PLEC: variants seen among roughly 807,000 people sequenced by gnomAD.
The protein encoded by PLEC is plectin, also known as hemidesmosomal protein 1.
In PLEC, 216 loss-of-function variants were observed where a neutral mutation model predicts 392.8. That is an observed-to-expected ratio of 0.55 (90% CI 0.49 to 0.62). PLEC has a LOEUF of 0.62. PLEC is among the 20% of genes least tolerant of loss of function. PLEC has a pLI of 0.00. For missense variants in PLEC, 6,863 were observed against 6,563.4 expected (o/e 1.05, Z -1.58); for synonymous variants, 3,621 against 2,980.6 (o/e 1.21, Z -7.00).
At chr8:143,936,946 AG>A (rs782712665) in intron 5 of PLEC, 32 bp downstream of exon 5, 25 of 1,519,700 alleles carry the variant, frequency 1.6e-5, no homozygotes, top group Non-Finnish European at 2.2e-5. Context: ...AAACTCCTGC[AG>A]GGGGTGGGGG....
At chr8:143,963,777 G>A (rs1554741451) in intron 1 of PLEC, among the ~76,000 whole-genome samples, 1 of 151,052 alleles carries the variant, frequency 6.6e-6, no homozygotes, top group Non-Finnish European at 1.5e-5. Flanking sequence ...TGAGCAGCTG[G>A]GACTACAGCC....
rs782604398 is a variant in PLEC, at chr8:143,924,777, G to A, written c.5152C>T (p.Leu1718=). The part of the protein sequence containing the change: ...RLAAEQELIR[L]RAETEQGEQQ... Reference sequence around the variant, plus strand: ...TCCCCCTGCTCCGTCTCGGCCCGCAGCCGGATCAACTCCTGCTCCGCGGCC... The same window carrying A: ...TCCCCCTGCTCCGTCTCGGCCCGCAACCGGATCAACTCCTGCTCCGCGGCC... The change falls in exon 31 of 32, where the codon CTG becomes TTG. Residue 1718 remains leucine (L), a synonymous_variant. Coordinates refer to ENST00000345136, the MANE Select transcript of PLEC (RefSeq NM_201384.3). 2.6e-6 allele frequency: 4 copies of A among 1,535,406 alleles called. No homozygotes were observed. Among genetic ancestry groups the A allele is most frequent in the South Asian group, 2.4e-5 (2 of 84,116 alleles).
chr8:143,934,357 A>G lies in PLEC; in HGVS notation c.1130T>C (p.Ile377Thr), dbSNP rs1554720644. Reference sequence around the variant, plus strand: ...GCGGAGCTGCTTCTCCCGCTCCAGGATGGCCACGTGCAGCTTGCCCCACTC... The same window carrying G: ...GCGGAGCTGCTTCTCCCGCTCCAGGGTGGCCACGTGCAGCTTGCCCCACTC... ...EKEWGKLHVA[I>T]LEREKQLRSE... The change falls in exon 11 of 32, where the codon ATC becomes ACC. Residue 377 changes from isoleucine to threonine, a missense_variant. By Grantham distance (89) the Ile-to-Thr change is moderately conservative. Coordinates refer to ENST00000345136, the MANE Select transcript of PLEC (RefSeq NM_201384.3). 3.7e-6 allele frequency: 6 copies of G among 1,612,430 alleles called. No homozygotes were observed. In the African/African-American group the frequency reaches 6.7e-5, roughly 18 times the overall value.
intron 19 of PLEC, among the ~76,000 whole-genome samples, chr8:143,931,003 C>T (rs1356970334): frequency 1.3e-5 from 2 of 152,182 alleles, no homozygotes; most frequent in East Asian, 1.9e-4. Flanking sequence ...TGTGCACCCG[C>T]CCTCCTGGGT....
intron 1 of PLEC, among the ~76,000 whole-genome samples, chr8:143,947,418 G>T (rs1813622601): frequency 6.6e-6 from 1 of 152,170 alleles, no homozygotes; most frequent in Admixed American, 6.5e-5. Flanking sequence ...ACAATCCTCG[G>T]TTCCTTCAGA....
At chr8:143,943,937 C>T (rs929503103), upstream of PLEC, 24 of 1,594,930 alleles carry the variant, frequency 1.5e-5, no homozygotes, top group Non-Finnish European at 2.0e-5. Flanking sequence ...CGCTGGGAAC[C>T]GGCTGCTCCA....
Position 143,932,789 on chromosome 8 carries a change from C to G in PLEC, c.1737+4G>C. Reference sequence around the variant, plus strand: ...CGCACTGCCCATCGCTCAGCGCCACCCACCTCGTCACTCCGTGCCCGCTCG... The same window carrying G: ...CGCACTGCCCATCGCTCAGCGCCACGCACCTCGTCACTCCGTGCCCGCTCG... On this transcript the variant is annotated splice_donor_region_variant and intron_variant, in intron 14 of 31. Coordinates refer to ENST00000345136, the MANE Select transcript of PLEC (RefSeq NM_201384.3). 6.2e-7 allele frequency: 1 copy of G among 1,612,046 alleles called. No individual in the cohort carries two copies. Among genetic ancestry groups the G allele is most frequent in the Non-Finnish European group, 8.5e-7 (1 of 1,179,710 alleles).
chr8:143,927,010 C>G lies in PLEC; in HGVS notation c.3912G>C (p.Lys1304Asn). The change falls in exon 29 of 32, where the codon AAG becomes AAC. Residue 1304 changes from lysine (K) to asparagine (N), a missense_variant. Physicochemically the swap from Lys to Asn is moderately conservative, Grantham distance 94. Coordinates refer to ENST00000345136, the MANE Select transcript of PLEC (RefSeq NM_201384.3). ...EPVASPAKKP[K>N]VQSGSESVIQ... Reference sequence around the variant, plus strand: ...TGACACTCTCTGATCCCGACTGGACCTTGGGCTTCTTGGCCGGGGAGGCCA... The same window carrying G: ...TGACACTCTCTGATCCCGACTGGACGTTGGGCTTCTTGGCCGGGGAGGCCA... 2.5e-6 allele frequency: 4 copies of G among 1,613,114 alleles called. No homozygotes were observed. Among genetic ancestry groups the G allele is most frequent in the Non-Finnish European group, 3.4e-6 (4 of 1,180,004 alleles).
rs782624504 is a variant in PLEC at position 143,921,009 on chromosome 8, G to A, written c.8812C>T (p.Arg2938Trp). The change falls in exon 32 of 32, where the codon CGG (arginine) becomes TGG (tryptophan). Residue 2938 changes from arginine to tryptophan, a missense_variant. Transcript: ENST00000345136. ...CGGAACTGCCGCAGCAGGTCCCGCC[G>A]CTGCTCTGCCGTGAAGTATTCCGAG... ...INSEYFTAEQRRDLLRQFRTG... is the reference protein window; with the variant it reads ...INSEYFTAEQWRDLLRQFRTG... The A allele has an allele frequency of 7.4e-6, 12 of 1,613,034 alleles. 1 individual carries two copies. Among genetic ancestry groups the A allele is most frequent in the African/African-American group, 2.7e-5 (2 of 74,946 alleles).
chr8:143,939,506 G>A lies in PLEC; in HGVS notation c.-45C>T, dbSNP rs1230081249. 1.7e-5 allele frequency: 27 copies of A among 1,578,360 alleles called. No homozygotes were observed. The highest frequency in any genetic ancestry group is 6.9e-5 in the South Asian group (6 of 86,980). ...CGCCCGGACCCTCGGCCTCAGGCAC[G>A]GTGCTCTGGGCAGCCCCGTGTGGCA... On this transcript the variant is annotated 5_prime_UTR_variant, in exon 1 of 32. Transcript: ENST00000345136.
intron 1 of PLEC, chr8:143,944,802 A>AC: frequency 5.4e-6 from 5 of 918,978 alleles, no homozygotes; most frequent in Non-Finnish European, 7.3e-6. Context: ...TGTCAGCAGC[A>AC]GCTTGTGGGG....
chr8:143,922,702 C>A lies in PLEC; in HGVS notation c.7227G>T (p.Gln2409His). ...GCAGCTTCTCACCGATCTCCTCCGC[C>A]TGCTTCCGGAAGCGCTGGGCGTCCT... is the stretch of plus-strand genomic sequence containing the variant. ...AEEDAQRFRK[Q>H]AEEIGEKLHR... The change falls in exon 31 of 32, where the codon CAG becomes CAT. Residue 2409 changes from glutamine to histidine, a missense_variant. Gln to His is a conservative substitution (Grantham distance 24). Transcript: ENST00000345136. 1 of 1,612,750 alleles carries A rather than the reference C, an allele frequency of 6.2e-7. No homozygotes were observed. The highest frequency in any genetic ancestry group is 8.5e-7 in the Non-Finnish European group (1 of 1,179,884).
rs782456612 is a variant in PLEC at position 143,918,441 on chromosome 8, C to G, written c.11380G>C (p.Glu3794Gln). The change falls in exon 32 of 32, where the codon GAG becomes CAG. Residue 3794 changes from glutamate (E) to glutamine (Q), a missense_variant. Glu to Gln is a conservative substitution (Grantham distance 29). Transcript: ENST00000345136. ...GCATCCAGCAGCCGCAGGGCCTCCT[C>G]AGTAGGGATCAGCTCCTTCTTCATG... ...QAMKKELIPT[E>Q]EALRLLDAQL... is the part of the protein sequence containing the mutation. The G allele has an allele frequency of 6.3e-7, 1 of 1,583,072 alleles. No individual in the cohort carries two copies. The highest frequency in any genetic ancestry group is 1.1e-5 in the South Asian group (1 of 88,322).
intron 3 of PLEC, chr8:143,937,876 G>T: frequency 3.2e-6 from 2 of 633,756 alleles, no homozygotes; most frequent in Non-Finnish European, 5.9e-6. Flanking sequence ...GGAGCATGAG[G>T]TTACTGTGTC....
At position 143,926,009 on chromosome 8, in the gene PLEC, C is replaced by T. The variant is rs1825033305; in HGVS notation, c.4045-125G>A. ...AGCAGGGGTCGGGGAAGACAGAGGC[C>T]CCAGCCCGGCGGAGGAGACAGCGTG... On this transcript the variant is annotated intron_variant, in intron 30 of 31. Transcript: ENST00000345136. The T allele has an allele frequency of 6.3e-6, 7 of 1,116,026 alleles. No homozygotes were observed. In the Admixed American group the frequency reaches 1.0e-4, roughly 16 times the overall value. The allele number at this position is 1,116,026 out of a possible 1,614,324, so 69.1% of individuals were successfully genotyped here.
rs200686790 is a variant in PLEC at position 143,930,294 on chromosome 8, G to A, written c.2462C>T (p.Thr821Ile). 1.3e-4 allele frequency: 204 copies of A among 1,602,394 alleles called. No homozygotes were observed. Among genetic ancestry groups the A allele is most frequent in the Non-Finnish European group, 1.4e-4 (169 of 1,178,516 alleles). The change falls in exon 21 of 32, where the codon ACT becomes ATT. Residue 821 changes from threonine (T) to isoleucine (I), a missense_variant. Thr to Ile is a moderately conservative substitution (Grantham distance 89). Coordinates refer to ENST00000345136, the MANE Select transcript of PLEC (RefSeq NM_201384.3). ...AVCDYKQVEV[T>I]VHKGDECQLV... The stretch of plus-strand genomic sequence containing the variant: ...CTGGCACTCGTCACCCTTGTGCACA[G>A]TCACCTGGGACGGGCAGAGTCGGTG...
In PLEC at chr8:143,924,699, C is replaced by T. The variant is rs1554698711; in HGVS notation, c.5230G>A (p.Ala1744Thr). The change falls in exon 31 of 32, where the codon GCT becomes ACT. Residue 1744 changes from alanine to threonine, a missense_variant. Physicochemically the swap from Ala to Thr is moderately conservative, Grantham distance 58 (BLOSUM62 0). Transcript: ENST00000345136. ...TCCTGCCGTTTCTGCGTGGCTGCAGCCGCCTCACGCTGCAGCCGGGCCAGC... is the reference window on the plus strand; with the variant it reads ...TCCTGCCGTTTCTGCGTGGCTGCAGTCGCCTCACGCTGCAGCCGGGCCAGC... ...EELARLQREA[A>T]AATQKRQELE... 1.3e-6 allele frequency: 2 copies of T among 1,534,650 alleles called. No homozygotes were observed. The highest frequency in any genetic ancestry group is 1.2e-5 in the South Asian group (1 of 84,056).
At chr8:143,940,466 C>A (rs1215149275), upstream of PLEC, among the ~76,000 whole-genome samples, 1 of 152,200 alleles carries the variant, frequency 6.6e-6, no homozygotes, top group African/African-American at 2.4e-5. Flanking sequence ...GTGCTGTTTG[C>A]AGCTGGGTGG....
Position 143,935,835 on chromosome 8 carries a change from C to CG in PLEC, c.602+12dup. 1 of 1,612,430 alleles carries CG rather than the reference C, an allele frequency of 6.2e-7. No homozygotes were observed. The highest frequency in any genetic ancestry group is 8.5e-7 in the Non-Finnish European group (1 of 1,179,784). On this transcript the variant is annotated intron_variant, in intron 6 of 31. Coordinates refer to ENST00000345136, the MANE Select transcript of PLEC (RefSeq NM_201384.3). Reference sequence around the variant, plus strand: ...CCCCCAGCCCACAGCCCCCTGCCCCCGGGGCCATGTACTTGTGCCGGTGGA... The same window carrying CG: ...CCCCCAGCCCACAGCCCCCTGCCCCCGGGGGCCATGTACTTGTGCCGGTGGA...
Sources: allele counts gnomAD v4.1 joint callset (sites outside exome capture counted in the v4.1 genomes callset), GRCh38; gene constraint gnomAD v4.1.1; transcripts MANE v1.5; gene names NCBI Gene and HGNC (gene_info 2026-07-23, HGNC 2026-07-21).